CLDN15: variants seen among roughly 807,000 people sequenced by gnomAD.
CLDN15 encodes claudin-15.
A neutral mutation model predicts 24.5 loss-of-function variants in CLDN15; 9 were observed. The ratio of observed to expected loss-of-function variants is 0.37; its 90% CI spans 0.22 to 0.64. The LOEUF (loss-of-function observed/expected upper bound fraction) is 0.64. CLDN15 is among the 30% of genes least tolerant of loss of function. CLDN15 has a pLI of 0.63. For missense variants in CLDN15, 248 were observed against 305.9 expected, an observed-to-expected ratio of 0.81 and a Z score of 1.41; for synonymous variants, 149 against 131.4, an observed-to-expected ratio of 1.13 and a Z score of -0.92.
In CLDN15 at chr7:101,232,452, G is replaced by A. The variant is rs1458720746; in HGVS notation, c.645C>T (p.Gly215=). 1 of 1,613,490 alleles carries A rather than the reference G, an allele frequency of 6.2e-7. No individual in the cohort carries two copies. Among genetic ancestry groups the A allele is most frequent in the Non-Finnish European group, 8.5e-7 (1 of 1,179,616 alleles). ...VMPVATSDQE[G]DSSFGKYGRN... ...TGCCGTATTTGCCAAAGCTGCTGTCGCCTTCTTGGTCCGAGGTGGCGACGG... is the reference window on the plus strand; with the variant it reads ...TGCCGTATTTGCCAAAGCTGCTGTCACCTTCTTGGTCCGAGGTGGCGACGG... Residue 215 remains glycine (G), a synonymous_variant, in exon 5 of 5, where the codon GGC becomes GGT. Transcript: ENST00000308344.
Position 101,237,523 on chromosome 7 carries a change from A to T in CLDN15, c.59T>A (p.Leu20Gln). The change falls in exon 1 of 5, where the codon CTG becomes CAG. Residue 20 changes from leucine (L) to glutamine (Q), a missense_variant. Coordinates refer to ENST00000308344, the MANE Select transcript of CLDN15 (RefSeq NM_014343.3). This position sits in a 1 kb window ranked among gnomAD's most constrained non-coding sequence, Gnocchi z 4.0. ...GTAGCTGTTTGGCAGAGTCACCCCCAGCATCAGCAGCCCCACAGTTGCCAT... is the reference window on the plus strand; with the variant it reads ...GTAGCTGTTTGGCAGAGTCACCCCCTGCATCAGCAGCCCCACAGTTGCCAT... Reference protein sequence around the residue: ...FFMATVGLLMLGVTLPNSYWR... With the variant: ...FFMATVGLLMQGVTLPNSYWR... 7 of 1,614,204 alleles carry T rather than the reference A, an allele frequency of 4.3e-6. No individual in the cohort carries two copies. Among genetic ancestry groups the T allele is most frequent in the Non-Finnish European group, 5.9e-6 (7 of 1,180,036 alleles).
At position 101,232,291 on chromosome 7, in the gene CLDN15, G is replaced by A. The variant is rs1483840381; in HGVS notation, c.*119C>T. Reference sequence around the variant, plus strand: ...TGCAAGACACGGGGCCGTGGCCGGGGCGGGGCTACGGGAGCGGGGCGTGGC... The same window carrying A: ...TGCAAGACACGGGGCCGTGGCCGGGACGGGGCTACGGGAGCGGGGCGTGGC... On this transcript the variant is annotated 3_prime_UTR_variant, in exon 5 of 5. Transcript: ENST00000308344. 1 of 672,532 alleles carries A rather than the reference G, an allele frequency of 1.5e-6. No individual in the cohort carries two copies. Among genetic ancestry groups the A allele is most frequent in the South Asian group, 1.9e-5 (1 of 51,962 alleles). The allele number at this position is 672,532 out of a possible 1,614,324, so 41.7% of individuals were successfully genotyped here.
Position 101,232,726 on chromosome 7 carries a change from C to T in CLDN15, c.465-6G>A. The T allele has an allele frequency of 7.5e-6, 12 of 1,594,930 alleles. No individual in the cohort carries two copies. The highest frequency in any genetic ancestry group is 9.4e-6 in the Non-Finnish European group (11 of 1,169,852). On this transcript the variant is annotated splice_region_variant and splice_polypyrimidine_tract_variant and intron_variant, in intron 3 of 4. Coordinates refer to ENST00000308344, the MANE Select transcript of CLDN15 (RefSeq NM_014343.3). ...GGGCGGGGCCCAGCTCGTACCTGCG[C>T]ACAAGGGCGGCGCGGGGGCGGGGGA...
At chr7:101,236,648 G>T in intron 1 of CLDN15, 1 of 927,846 alleles carries the variant, frequency 1.1e-6, no homozygotes, top group Non-Finnish European at 1.5e-6. Flanking sequence ...GGAGCGGGAA[G>T]GTGCCGCAGC....
chr7:101,236,880 G>C, intron 1 of CLDN15: 1 of 1,199,236 alleles, frequency 8.3e-7, no homozygotes, highest in Non-Finnish European at 1.1e-6. Flanking sequence ...TGGGGAGTCT[G>C]TGGAGCCTGG....
rs766527466 is a variant in CLDN15 at position 101,237,520 on chromosome 7, C to A, written c.62G>T (p.Gly21Val). The change falls in exon 1 of 5, where the codon GGG becomes GTG. Residue 21 changes from glycine to valine, a missense_variant. Transcript: ENST00000308344. This position sits in a 1 kb window ranked among gnomAD's most constrained non-coding sequence, Gnocchi z 4.0. ...FMATVGLLML[G>V]VTLPNSYWRV... ...CCAGTAGCTGTTTGGCAGAGTCACCCCCAGCATCAGCAGCCCCACAGTTGC... is the reference window on the plus strand; with the variant it reads ...CCAGTAGCTGTTTGGCAGAGTCACCACCAGCATCAGCAGCCCCACAGTTGC... 17 of 1,614,178 alleles carry A rather than the reference C, an allele frequency of 1.1e-5. No homozygotes were observed. Among genetic ancestry groups the A allele is most frequent in the Non-Finnish European group, 1.2e-5 (14 of 1,180,028 alleles).
rs1798526616 is a variant in CLDN15, at chr7:101,232,736, G to A, written c.465-16C>T. ...CAGCTCGTACCTGCGCACAAGGGCGGCGCGGGGGCGGGGGACAAGTGAGAC... is the reference window on the plus strand; with the variant it reads ...CAGCTCGTACCTGCGCACAAGGGCGACGCGGGGGCGGGGGACAAGTGAGAC... On this transcript the variant is annotated splice_polypyrimidine_tract_variant and intron_variant, in intron 3 of 4. Coordinates refer to ENST00000308344, the MANE Select transcript of CLDN15 (RefSeq NM_014343.3). The A allele has an allele frequency of 6.3e-7, 1 of 1,589,692 alleles. No individual in the cohort carries two copies. The highest frequency in any genetic ancestry group is 8.6e-7 in the Non-Finnish European group (1 of 1,164,596).
chr7:101,237,977 A>G (rs1251502505), upstream of CLDN15: 2 of 285,262 alleles, frequency 7.0e-6, no homozygotes, highest in Admixed American at 4.5e-5. This position sits in a 1 kb window ranked among gnomAD's most constrained non-coding sequence, Gnocchi z 4.0. Flanking sequence ...AGGGGCCCCC[A>G]AGGGAGGCAC....
chr7:101,232,359 C>T lies in CLDN15; in HGVS notation c.*51G>A, dbSNP rs1472760194. The T allele has an allele frequency of 1.5e-6, 2 of 1,355,362 alleles. No homozygotes were observed. Among genetic ancestry groups the T allele is most frequent in the Non-Finnish European group, 1.0e-6 (1 of 955,574 alleles). The allele number at this position is 1,355,362 out of a possible 1,614,324, so 84.0% of individuals were successfully genotyped here. Reference sequence around the variant, plus strand: ...ATAGGGGAATGGGCCCCGGCCAGGTCCCCTCTCCTTGGGGCAGTGGGAAGA... The same window carrying T: ...ATAGGGGAATGGGCCCCGGCCAGGTTCCCTCTCCTTGGGGCAGTGGGAAGA... On this transcript the variant is annotated 3_prime_UTR_variant, in exon 5 of 5. Transcript: ENST00000308344.
At chr7:101,235,133 G>A (rs938215378) in intron 1 of CLDN15, among the ~76,000 whole-genome samples, 1 of 152,180 alleles carries the variant, frequency 6.6e-6, no homozygotes, top group African/African-American at 2.4e-5. Context: ...GCTAAGCATC[G>A]CTGTCGCCTT....
chr7:101,237,239 C>G lies in CLDN15; in HGVS notation c.217+126G>C. 1.4e-6 allele frequency: 1 copy of G among 707,054 alleles called. No individual in the cohort carries two copies. Among genetic ancestry groups the G allele is most frequent in the South Asian group, 1.6e-5 (1 of 61,360 alleles). The allele number at this position is 707,054 out of a possible 1,614,324, so 43.8% of individuals were successfully genotyped here. On this transcript the variant is annotated intron_variant, in intron 1 of 4. Transcript: ENST00000308344. This position sits in a 1 kb window ranked among gnomAD's most constrained non-coding sequence, Gnocchi z 4.0. Reference sequence around the variant, plus strand: ...GGGCCGCCCCCAGCACTCCTGGCTGCGGGAACTCAGACCCGCAGAGCTTAA... The same window carrying G: ...GGGCCGCCCCCAGCACTCCTGGCTGGGGGAACTCAGACCCGCAGAGCTTAA...
chr7:101,234,753 C>T (rs1049547009), intron 1 of CLDN15, among the ~76,000 whole-genome samples: 9 of 151,982 alleles, frequency 5.9e-5, no homozygotes, highest in African/African-American at 1.9e-4. Flanking sequence ...TCTCTTGTAC[C>T]TAACAGTCCC....
At chr7:101,234,573 C>T (rs1337710706) in intron 1 of CLDN15, 131 bp from the exon 2 acceptor site, 6 of 629,016 alleles carry the variant, frequency 9.5e-6, no homozygotes, top group South Asian at 1.9e-5. Context: ...ATTACAGACA[C>T]GCACCACCAC....
rs200032637 is a variant in CLDN15, at chr7:101,232,547, C to T, written c.582-32G>A. ...GGAGGGCCCGGGGTCAGAGCGGGGG[C>T]GCGGCCCTCCTCTCTCCAATCCCGC... On this transcript the variant is annotated intron_variant, in intron 4 of 4. Coordinates refer to ENST00000308344, the MANE Select transcript of CLDN15 (RefSeq NM_014343.3). 104 of 1,593,666 alleles carry T rather than the reference C, an allele frequency of 6.5e-5. 1 individual carries two copies. The East Asian group carries it at 2.0e-3, about 31-fold the overall frequency.
chr7:101,233,221 C>G (rs530968925), intron 2 of CLDN15, among the ~76,000 whole-genome samples: 1 of 152,094 alleles, frequency 6.6e-6, no homozygotes, highest in African/African-American at 2.4e-5. Flanking sequence ...ACCTCTAGGG[C>G]CTTCATCCCA....
chr7:101,236,609 TG>T, intron 1 of CLDN15: 1 of 548,178 alleles, frequency 1.8e-6, no homozygotes, highest in Non-Finnish European at 2.9e-6. Context: ...GGAGAAACAA[TG>T]GGGCGGCCTC....
intron 1 of CLDN15, among the ~76,000 whole-genome samples, chr7:101,236,462 C>T (rs919324343): frequency 3.9e-5 from 6 of 152,224 alleles, no homozygotes; most frequent in Non-Finnish European, 5.9e-5. Context: ...TCGCCCTCGG[C>T]TCCTTCCCTG....
chr7:101,238,012 C>G (rs565874232), upstream of CLDN15: 1 of 250,056 alleles, frequency 4.0e-6, no homozygotes, highest in South Asian at 5.3e-5. Context: ...AAGCGTCTGT[C>G]TCTGACTCAG....
intron 3 of CLDN15, 50 bp from the exon 4 acceptor site, chr7:101,232,770 G>T (rs752598301): frequency 1.9e-6 from 3 of 1,580,346 alleles, no homozygotes; most frequent in Admixed American, 1.7e-5. Context: ...ACGCCAGCCG[G>T]GGGGCAGGGC....
Sources: allele counts gnomAD v4.1 joint callset (sites outside exome capture counted in the v4.1 genomes callset), GRCh38; gene constraint gnomAD v4.1.1; non-coding constraint Gnocchi (gnomAD v3.1); transcripts MANE v1.5; gene names NCBI Gene and HGNC (gene_info 2026-07-23, HGNC 2026-07-21).